The following GTF2F2 variants were observed in gnomAD, a reference collection of about 807,000 sequenced individuals.
GTF2F2 encodes the protein ATP-dependent helicase GTF2F2.
GTF2F2 carries 23 observed loss-of-function variants against 42.2 expected under a neutral mutation model. The observed-to-expected ratio is 0.55, with a 90% CI of 0.39 to 0.77. The LOEUF is 0.77. GTF2F2 is among the 30% of genes least tolerant of loss of function. The pLI is 0.00. For missense variants in GTF2F2, 261 were observed against 287.2 expected (o/e 0.91, Z 0.66); for synonymous variants, 105 against 100.8 (o/e 1.04, Z -0.25).
chr13:45,120,915 C>A (rs561921430), intron 1 of GTF2F2, among the ~76,000 whole-genome samples, 194 bp downstream of exon 1: 1 of 152,166 alleles, frequency 6.6e-6, no homozygotes, highest in East Asian at 1.9e-4. Flanking sequence ...CGCAAAGTGT[C>A]TTTCAGCCAG....
At chr13:45,264,265 A>T (rs1341993631) in intron 6 of GTF2F2, among the ~76,000 whole-genome samples, 2 of 151,096 alleles carry the variant, frequency 1.3e-5, no homozygotes, top group South Asian at 2.1e-4. Context: ...TTTATTTTTT[A>T]TTTTTTATTT....
intron 4 of GTF2F2, among the ~76,000 whole-genome samples, chr13:45,164,375 A>G (rs1481652213): frequency 6.6e-6 from 1 of 152,196 alleles, no homozygotes. Flanking sequence ...AGACTTTAAA[A>G]CTGACCTATT....
intron 5 of GTF2F2, among the ~76,000 whole-genome samples, chr13:45,222,342 T>A (rs1189293633): frequency 6.6e-6 from 1 of 152,140 alleles, no homozygotes; most frequent in Non-Finnish European, 1.5e-5. Flanking sequence ...TTTGGGATTT[T>A]GTTTATTTGG....
intron 5 of GTF2F2, among the ~76,000 whole-genome samples, chr13:45,218,563 C>T (rs1873981386): frequency 6.6e-6 from 1 of 152,098 alleles, no homozygotes; most frequent in Non-Finnish European, 1.5e-5. Flanking sequence ...GCCAATGTGT[C>T]CTATTTTCTT....
At chr13:45,275,301 T>TTTA (rs374043984) in intron 7 of GTF2F2, among the ~76,000 whole-genome samples, 184 of 151,618 alleles carry the variant, frequency 1.2e-3, no homozygotes, top group African/African-American at 2.2e-3. Context: ...TAAAATGGTG[T>TTTA]TTATTATTAT....
At chr13:45,191,224 A>AAAAAAAAAAAAATATATATATATAT in intron 4 of GTF2F2, among the ~76,000 whole-genome samples, 2 of 75,312 alleles carry the variant, frequency 2.7e-5, no homozygotes, top group African/African-American at 2.0e-4. Flanking sequence ...ACAAAAAAAA[A>AAAAAAAAAAAAATATATATATATAT]ATATATATAT....
In GTF2F2 at chr13:45,124,103, T is replaced by C; in HGVS notation, c.66+3382T>C. 8.6e-6 allele frequency: 7 copies of C among 814,920 alleles called. No individual in the cohort carries two copies. In the South Asian group the frequency reaches 9.4e-5, roughly 11 times the overall value. 50.5% of individuals were successfully genotyped at this position (814,920 alleles called of 1,614,324 possible). A position where few individuals can be genotyped will look rare whatever the true frequency, so the allele number is the denominator to read the frequency against. On this transcript the variant is annotated intron_variant, in intron 1 of 7. Coordinates refer to ENST00000340473, the MANE Select transcript of GTF2F2 (RefSeq NM_004128.3). Reference sequence around the variant, plus strand: ...TTACCAGGAAATGAACTTGACAAAGTGGTCGTTGAGGGCAATGCCAGCCCC... The same window carrying C: ...TTACCAGGAAATGAACTTGACAAAGCGGTCGTTGAGGGCAATGCCAGCCCC...
chr13:45,169,125 G>A (rs187821395), intron 4 of GTF2F2, among the ~76,000 whole-genome samples: 494 of 152,026 alleles, frequency 3.2e-3, no homozygotes, highest in African/African-American at 0.012. Context: ...AAAGTTCTGG[G>A]ATTACAGGCG....
chr13:45,162,085 A>G (rs1481510863), intron 4 of GTF2F2, among the ~76,000 whole-genome samples: 1 of 152,194 alleles, frequency 6.6e-6, no homozygotes, highest in Non-Finnish European at 1.5e-5. Context: ...TTCATTTTGC[A>G]GATGATATGA....
At chr13:45,196,490 C>T (rs1872897259) in intron 4 of GTF2F2, among the ~76,000 whole-genome samples, 1 of 152,174 alleles carries the variant, frequency 6.6e-6, no homozygotes, top group Non-Finnish European at 1.5e-5. Context: ...AGGGATACAA[C>T]TCTGGAAGTA....
At chr13:45,243,621 GT>G (rs563908015) in intron 5 of GTF2F2, among the ~76,000 whole-genome samples, 5 of 151,706 alleles carry the variant, frequency 3.3e-5, no homozygotes, top group African/African-American at 1.2e-4. Flanking sequence ...TGGTTTTACT[GT>G]TTTTTTTTAA....
At chr13:45,225,583 C>T (rs1874304635) in intron 5 of GTF2F2, among the ~76,000 whole-genome samples, 1 of 143,716 alleles carries the variant, frequency 7.0e-6, no homozygotes, top group Admixed American at 7.2e-5. Context: ...GCACTCCAGC[C>T]TTGTGCAACA....
intron 4 of GTF2F2, 119 bp downstream of exon 4, chr13:45,151,950 T>C (rs914805524): frequency 5.5e-6 from 3 of 548,354 alleles, no homozygotes; most frequent in Non-Finnish European, 6.3e-6. Flanking sequence ...AGTTTCGCTC[T>C]TGTTGCCCAG....
chr13:45,180,937 G>C (rs937996150), intron 4 of GTF2F2, among the ~76,000 whole-genome samples: 1 of 151,402 alleles, frequency 6.6e-6, no homozygotes, highest in Non-Finnish European at 1.5e-5. Flanking sequence ...CAAAGCAGGA[G>C]GATCACTTGA....
At chr13:45,123,913 T>A (rs1373622766) in intron 1 of GTF2F2, 3 of 394,948 alleles carry the variant, frequency 7.6e-6, no homozygotes, top group South Asian at 7.2e-5. Context: ...GAGGGGAGAG[T>A]CTTAGTGTGG....
At chr13:45,229,020 T>G (rs943139280) in intron 5 of GTF2F2, among the ~76,000 whole-genome samples, 2 of 152,144 alleles carry the variant, frequency 1.3e-5, no homozygotes, top group South Asian at 2.1e-4. Flanking sequence ...TAGCTGAGAT[T>G]ACAGGTGCCT....
chr13:45,255,177 A>G (rs1321396376), intron 6 of GTF2F2, among the ~76,000 whole-genome samples: 5 of 151,556 alleles, frequency 3.3e-5, no homozygotes, highest in African/African-American at 9.7e-5. Flanking sequence ...AAAAAAAAAA[A>G]AAAAAAAAAA....
chr13:45,274,323 C>CTTTTTTTTTTTT (rs367793010), intron 7 of GTF2F2, among the ~76,000 whole-genome samples: 1 of 102,428 alleles, frequency 9.8e-6, no homozygotes, highest in African/African-American at 4.3e-5. Context: ...ACAAATTATA[C>CTTTTTTTTTTTT]TTTTTTTTTT....
intron 4 of GTF2F2, among the ~76,000 whole-genome samples, chr13:45,159,101 G>A (rs1389837594): frequency 6.6e-6 from 1 of 152,152 alleles, no homozygotes; most frequent in East Asian, 1.9e-4. Context: ...GTGACACTTG[G>A]TTAGCCACTC....
Sources: allele counts gnomAD v4.1 joint callset (sites outside exome capture counted in the v4.1 genomes callset), GRCh38; gene constraint gnomAD v4.1.1; transcripts MANE v1.5; gene names NCBI Gene and HGNC (gene_info 2026-07-23, HGNC 2026-07-21).